Variants in CDC42BPB observed in about 807,000 individuals in gnomAD.
CDC42BPB encodes CDC42 binding protein kinase beta, also known as serine/threonine-protein kinase MRCK beta.
CDC42BPB carries 37 observed loss-of-function variants against 214.9 expected under a neutral mutation model. That is an observed-to-expected ratio of 0.17 (90% confidence interval 0.13 to 0.23). The LOEUF is 0.23. Ranked by LOEUF, CDC42BPB falls within the 10% of genes least tolerant of loss-of-function variation. CDC42BPB has a pLI of 1.00. For missense variants in CDC42BPB, 1,694 were observed against 2,227.0 expected, an observed-to-expected ratio of 0.76 and a Z score of 4.82; for synonymous variants, 931 against 884.0, an observed-to-expected ratio of 1.05 and a Z score of -0.94.
In CDC42BPB at chr14:103,053,561, A is replaced by G. The variant is rs533050023; in HGVS notation, c.175+3438T>C. On this transcript the variant is annotated intron_variant, in intron 1 of 36. Transcript: ENST00000361246. ...CAGATCACGAGGTCTGGAGATCGAGACCATCCTGGCTAACACGGTGAAACC... is the reference window on the plus strand; with the variant it reads ...CAGATCACGAGGTCTGGAGATCGAGGCCATCCTGGCTAACACGGTGAAACC... Among the ~76,000 whole-genome samples, 10 of 151,862 alleles carry G rather than the reference A, an allele frequency of 6.6e-5. No homozygotes were observed. In the East Asian group the frequency reaches 1.4e-3, roughly 21 times the overall value.
chr14:103,003,472 C>T (rs1262185052), intron 4 of CDC42BPB, among the ~76,000 whole-genome samples: 2 of 152,192 alleles, frequency 1.3e-5, no homozygotes, highest in East Asian at 3.9e-4. Flanking sequence ...GACTAAGAGT[C>T]ACCTAAAACC....
At chr14:102,948,976 C>T (rs988418376) in intron 26 of CDC42BPB, among the ~76,000 whole-genome samples, 5 of 152,074 alleles carry the variant, frequency 3.3e-5, no homozygotes, top group Admixed American at 1.3e-4. Context: ...CTCAGGGTAC[C>T]CACCCAGCAG....
chr14:103,018,372 A>C (rs569282298), intron 1 of CDC42BPB, among the ~76,000 whole-genome samples: 2 of 152,314 alleles, frequency 1.3e-5, no homozygotes, highest in South Asian at 4.1e-4. Context: ...AAATGTTTTA[A>C]AAATACTTTT....
At chr14:103,041,162 C>G (rs1887966255) in intron 1 of CDC42BPB, among the ~76,000 whole-genome samples, 1 of 152,126 alleles carries the variant, frequency 6.6e-6, no homozygotes, top group Non-Finnish European at 1.5e-5. Context: ...GATTCTAAGA[C>G]CATTCAACGG....
intron 24 of CDC42BPB, among the ~76,000 whole-genome samples, chr14:102,951,681 G>A (rs1191178062): frequency 6.6e-6 from 1 of 152,036 alleles, no homozygotes; most frequent in Non-Finnish European, 1.5e-5. Flanking sequence ...CAGCTACTTG[G>A]GCGGATGAGG....
At chr14:103,049,654 T>C in intron 1 of CDC42BPB, among the ~76,000 whole-genome samples, 1 of 152,310 alleles carries the variant, frequency 6.6e-6, no homozygotes, top group East Asian at 1.9e-4. Flanking sequence ...TTGATAAAAG[T>C]TAAATGATGT....
Position 102,938,140 on chromosome 14 carries a change from T to C in CDC42BPB, c.4968A>G (p.Arg1656=), listed in dbSNP as rs148846587. 3.0e-5 allele frequency: 48 copies of C among 1,613,832 alleles called. No homozygotes were observed. The African/African-American group carries it at 4.3e-4, about 14-fold the overall frequency. ...AGTCCTGGTCTGGATCAGACATACT[T>C]CTCAGAGGCACAGTCACGCTAGGCT... ...GSEPSVTVPL[R]SMSDPDQDFD... is the part of the protein sequence containing the mutation. Residue 1656 remains arginine (R), a synonymous_variant, in exon 36 of 37, where the codon AGA becomes AGG. Coordinates refer to ENST00000361246, the MANE Select transcript of CDC42BPB (RefSeq NM_006035.4).
chr14:102,987,953 G>A (rs549389479), intron 5 of CDC42BPB, among the ~76,000 whole-genome samples: 2 of 151,598 alleles, frequency 1.3e-5, no homozygotes, highest in East Asian at 3.9e-4. Context: ...CAGCCTGGGC[G>A]ACAGAGCAAG....
At chr14:103,024,143 G>C (rs1370203571) in intron 1 of CDC42BPB, among the ~76,000 whole-genome samples, 1 of 152,230 alleles carries the variant, frequency 6.6e-6, no homozygotes. Context: ...GGGACCGCCA[G>C]GACAGGAAGG....
chr14:103,002,132 A>G lies in CDC42BPB; in HGVS notation c.447+1796T>C, dbSNP rs911988395. 2.0e-5 allele frequency among the ~76,000 whole-genome samples: 3 copies of G among 152,272 alleles called. 1 individual carries two copies. The highest frequency in any genetic ancestry group is 2.0e-4 in the Admixed American group (3 of 15,294). On this transcript the variant is annotated intron_variant, in intron 4 of 36. Transcript: ENST00000361246. Reference sequence around the variant, plus strand: ...GGTGGTCAGAGGAACCCACGTTTCCATATCGCTATGAGAGGCACCTGACAC... The same window carrying G: ...GGTGGTCAGAGGAACCCACGTTTCCGTATCGCTATGAGAGGCACCTGACAC...
chr14:103,007,042 A>G (rs1220332270), intron 3 of CDC42BPB, among the ~76,000 whole-genome samples: 1 of 152,222 alleles, frequency 6.6e-6, no homozygotes, highest in African/African-American at 2.4e-5. Flanking sequence ...CAGCGGAAGC[A>G]CACAGTGAGA....
chr14:103,055,574 G>A (rs1473814327), intron 1 of CDC42BPB, among the ~76,000 whole-genome samples: 2 of 152,222 alleles, frequency 1.3e-5, no homozygotes, highest in South Asian at 2.1e-4. Context: ...TTAATTTACT[G>A]ATACTATAAG....
At chr14:102,934,656 A>C (rs1187650597) in intron 36 of CDC42BPB, among the ~76,000 whole-genome samples, 1 of 152,192 alleles carries the variant, frequency 6.6e-6, no homozygotes, top group Non-Finnish European at 1.5e-5. Flanking sequence ...ATAGAGGGGA[A>C]CCTCCTCAAC....
At chr14:102,968,809 C>T (rs942764175) in intron 14 of CDC42BPB, 93 bp from the exon 15 acceptor site, 46 of 1,553,988 alleles carry the variant, frequency 3.0e-5, no homozygotes, top group Non-Finnish European at 3.5e-5. Flanking sequence ...CAAGTGCAGA[C>T]ACCTTCCCAA....
rs139414613 is a variant in CDC42BPB, at chr14:102,985,755, GAA to G, written c.690+730_690+731del. On this transcript the variant is annotated intron_variant, in intron 6 of 36. Coordinates refer to ENST00000361246, the MANE Select transcript of CDC42BPB (RefSeq NM_006035.4). ...TATGATAAGTGTAGGTTTCAAAAAA[GAA>G]AAGACTCCAAACATGTAAGAACAAA... Among the ~76,000 whole-genome samples, 1,339 of 152,356 alleles carry G rather than the reference GAA, an allele frequency of 8.8e-3. 13 individuals carry two copies. Among genetic ancestry groups the G allele is most frequent in the South Asian group, 0.014 (67 of 4,830 alleles).
At chr14:103,038,667 C>T (rs1396725323) in intron 1 of CDC42BPB, among the ~76,000 whole-genome samples, 1 of 136,322 alleles carries the variant, frequency 7.3e-6, no homozygotes, top group African/African-American at 2.8e-5. Flanking sequence ...GCTGAGACTA[C>T]AGGTGAGCAC....
At chr14:102,935,195 AT>A (rs1240600248) in intron 36 of CDC42BPB, among the ~76,000 whole-genome samples, 2 of 152,172 alleles carry the variant, frequency 1.3e-5, no homozygotes, top group Non-Finnish European at 2.9e-5. Flanking sequence ...AGATGACATG[AT>A]TATACACGTA....
intron 26 of CDC42BPB, among the ~76,000 whole-genome samples, chr14:102,949,135 G>A (rs1200697538): frequency 1.3e-5 from 2 of 152,202 alleles, no homozygotes; most frequent in East Asian, 1.9e-4. Context: ...TGCAGGCCCC[G>A]GGCTGAGCTA....
chr14:103,057,027 G>T lies in CDC42BPB; in HGVS notation c.147C>A (p.Asp49Glu). The T allele has an allele frequency of 6.7e-7, 1 of 1,499,914 alleles. No homozygotes were observed. 92.9% of individuals were successfully genotyped at this position (1,499,914 alleles called of 1,614,324 possible). A position where few individuals can be genotyped will look rare whatever the true frequency, so the allele number is the denominator to read the frequency against. ...TECSHSALRR[D>E]KYVAEFLEWA... Reference sequence around the variant, plus strand: ...ACTCGAGGAACTCGGCCACGTACTTGTCGCGGCGCAGGGCCGAGTGGCTGC... The same window carrying T: ...ACTCGAGGAACTCGGCCACGTACTTTTCGCGGCGCAGGGCCGAGTGGCTGC... Residue 49 changes from aspartate to glutamate, a missense_variant, in exon 1 of 37, where the codon GAC becomes GAA. Coordinates refer to ENST00000361246, the MANE Select transcript of CDC42BPB (RefSeq NM_006035.4).
Sources: gnomAD v4.1 joint callset for allele counts (sites outside exome capture counted in the v4.1 genomes callset) on GRCh38, gnomAD v4.1.1 for gene constraint, MANE v1.5 for transcripts, NCBI Gene and HGNC (gene_info 2026-07-23, HGNC 2026-07-21) for gene names.